Variants in RIMS1 observed in about 807,000 individuals in gnomAD.
The protein encoded by RIMS1 is regulating synaptic membrane exocytosis 1, also known as regulating synaptic membrane exocytosis protein 1.
A neutral mutation model predicts 214.1 loss-of-function variants in RIMS1; 83 were observed. That is an observed-to-expected ratio of 0.39 (90% CI 0.32 to 0.47). RIMS1 has a LOEUF of 0.47. Ranked by LOEUF, RIMS1 falls within the 20% of genes least tolerant of loss-of-function variation. RIMS1 has a pLI of 0.99. For synonymous variants in RIMS1, 793 were observed against 786.8 expected (o/e 1.01, Z -0.13); for missense variants, 2,050 against 2,161.8 (o/e 0.95, Z 1.03).
chr6:72,100,124 C>T (rs537188797), intron 4 of RIMS1, 138 bp downstream of exon 4: 39 of 688,096 alleles, frequency 5.7e-5, no homozygotes, highest in Admixed American at 4.1e-4. Context: ...TTCCAGCTCT[C>T]ATGAAAAAAA....
chr6:72,196,603 T>TTTTTTTTTTTTTTTTTTTA (rs780611745), intron 6 of RIMS1, among the ~76,000 whole-genome samples: 13 of 132,206 alleles, frequency 9.8e-5, no homozygotes, highest in South Asian at 2.5e-4. Context: ...TTTTTTTTTT[T>TTTTTTTTTTTTTTTTTTTA]ACCTATACAG....
intron 6 of RIMS1, among the ~76,000 whole-genome samples, chr6:72,203,094 T>C (rs1212529313): frequency 6.6e-6 from 1 of 152,120 alleles, no homozygotes; most frequent in African/African-American, 2.4e-5. Flanking sequence ...TTCACGCCAT[T>C]CTCCTGCTTC....
chr6:72,265,396 T>C lies in RIMS1; in HGVS notation c.3201T>C (p.Ile1067=). 4 of 1,563,980 alleles carry C rather than the reference T, an allele frequency of 2.6e-6. No individual in the cohort carries two copies. In the South Asian group the frequency reaches 4.8e-5, roughly 19 times the overall value. Residue 1067 remains isoleucine, a synonymous_variant, in exon 21 of 34, where the codon ATT becomes ATC. Transcript: ENST00000521978. ...GTAATTTTAATTTGTGGAGCTCAAT[T>C]CTGCCTGCACATACTAAGACCAAAT... is the stretch of plus-strand genomic sequence containing the variant. ...SSSHWNIYSS[I]LPAHTKTKSV...
intron 1 of RIMS1, among the ~76,000 whole-genome samples, chr6:71,909,187 G>A (rs922087591): frequency 1.3e-5 from 2 of 152,022 alleles, no homozygotes; most frequent in African/African-American, 4.8e-5. Flanking sequence ...AGTAGAGACG[G>A]GGTTTCACCA....
intron 22 of RIMS1, among the ~76,000 whole-genome samples, chr6:72,268,854 A>G (rs979129033): frequency 6.6e-6 from 1 of 152,146 alleles, no homozygotes; most frequent in African/African-American, 2.4e-5. Flanking sequence ...TCTTAAATCA[A>G]TATATTTGAG....
chr6:72,367,906 A>G (rs539676297), intron 29 of RIMS1, among the ~76,000 whole-genome samples: 1 of 152,272 alleles, frequency 6.6e-6, no homozygotes, highest in East Asian at 1.9e-4. Flanking sequence ...ATATTTTTTT[A>G]TATTCTGAGT....
At chr6:71,916,528 AT>A (rs1419580108) in intron 1 of RIMS1, among the ~76,000 whole-genome samples, 5 of 152,110 alleles carry the variant, frequency 3.3e-5, no homozygotes, top group Admixed American at 6.6e-5. Context: ...TATTCTAAGA[AT>A]TCACTCTATC....
intron 4 of RIMS1, among the ~76,000 whole-genome samples, chr6:72,167,284 G>A (rs1171867687): frequency 6.6e-6 from 1 of 151,642 alleles, no homozygotes; most frequent in Non-Finnish European, 1.5e-5. Context: ...TTGTAATAAT[G>A]TTTTTATATG....
In RIMS1 at chr6:72,302,285, C is replaced by A. The variant is rs116724119; in HGVS notation, c.3851-4973C>A. ...TTATCCATATAAACAATTCCTATTT[C>A]TCTAAAGTCTAAAAAACTGTGGGCA... On this transcript the variant is annotated intron_variant, in intron 26 of 33. Coordinates refer to ENST00000521978, the MANE Select transcript of RIMS1 (RefSeq NM_014989.7). Among the ~76,000 whole-genome samples the A allele has an allele frequency of 3.8e-3, 579 of 151,628 alleles. 4 individuals carry two copies. The highest frequency in any genetic ancestry group is 0.014 in the African/African-American group (565 of 41,496).
chr6:71,998,075 C>T lies in RIMS1; in HGVS notation c.245+29012C>T, dbSNP rs1483265024. Among the ~76,000 whole-genome samples the T allele has an allele frequency of 1.8e-4, 27 of 152,130 alleles. 1 individual carries two copies. Among genetic ancestry groups the T allele is most frequent in the Admixed American group, 1.8e-3 (27 of 15,256 alleles). ...TTACTGGCAAAGATTAGAGAAGCTT[C>T]TCTCAGGATGGGATCTGTGGGTCTC... On this transcript the variant is annotated intron_variant, in intron 2 of 33. Transcript: ENST00000521978.
chr6:72,185,741 C>T (rs2049004281), intron 6 of RIMS1, among the ~76,000 whole-genome samples: 2 of 152,036 alleles, frequency 1.3e-5, no homozygotes, highest in Non-Finnish European at 2.9e-5. Context: ...TTTAGAGAAA[C>T]AAAAAAGCAA....
intron 2 of RIMS1, among the ~76,000 whole-genome samples, chr6:72,021,424 A>T (rs929615641): frequency 1.3e-5 from 2 of 152,228 alleles, no homozygotes; most frequent in Non-Finnish European, 2.9e-5. Context: ...TTAAACATTT[A>T]TCAGATCTAT....
At chr6:71,973,836 G>C (rs1037926637) in intron 2 of RIMS1, among the ~76,000 whole-genome samples, 1 of 152,236 alleles carries the variant, frequency 6.6e-6, no homozygotes, top group African/African-American at 2.4e-5. Context: ...AGCTAGTGGA[G>C]AGCAAGAGAG....
chr6:72,102,153 T>C (rs2016474184), intron 4 of RIMS1, among the ~76,000 whole-genome samples: 1 of 152,006 alleles, frequency 6.6e-6, no homozygotes, highest in Non-Finnish European at 1.5e-5. Flanking sequence ...TTTAACACTT[T>C]GCTGCTGCTA....
chr6:71,995,370 A>C lies in RIMS1; in HGVS notation c.245+26307A>C, dbSNP rs532889886. On this transcript the variant is annotated intron_variant, in intron 2 of 33. Transcript: ENST00000521978. ...GAGGATAAGTAAATTGTAAATCACT[A>C]TCCCCTTTTACAGTGATGCAGTATG... Among the ~76,000 whole-genome samples the C allele has an allele frequency of 9.9e-5, 15 of 152,008 alleles. 1 individual carries two copies. The South Asian group carries it at 2.3e-3, about 23-fold the overall frequency.
At position 72,327,503 on chromosome 6, in the gene RIMS1, T is replaced by A. The variant is rs1407928584; in HGVS notation, c.4131-6097T>A. On this transcript the variant is annotated intron_variant, in intron 28 of 33. Transcript: ENST00000521978. ...TAGTTCATATATGTTTGTGTGGATATATATTTTCGATTCTCTTGAGTATAT... is the reference window on the plus strand; with the variant it reads ...TAGTTCATATATGTTTGTGTGGATAAATATTTTCGATTCTCTTGAGTATAT... 1.3e-5 allele frequency among the ~76,000 whole-genome samples: 2 copies of A among 151,924 alleles called. 1 individual carries two copies. The highest frequency in any genetic ancestry group is 4.1e-4 in the South Asian group (2 of 4,830).
intron 29 of RIMS1, among the ~76,000 whole-genome samples, chr6:72,378,281 A>G (rs1438221788): frequency 1.3e-5 from 2 of 152,220 alleles, no homozygotes; most frequent in East Asian, 1.9e-4. Context: ...GGAATTTCAC[A>G]ATACTGCATA....
rs548836432 is a variant in RIMS1, at chr6:72,149,818, G to A, written c.472-29757G>A. On this transcript the variant is annotated intron_variant, in intron 4 of 33. Transcript: ENST00000521978. ...TTGAGCCTTTCTTGGCCCTAGGCCT[G>A]CTGCAGGATGTGTCTCATTCACTCG... 1.2e-4 allele frequency among the ~76,000 whole-genome samples: 18 copies of A among 152,312 alleles called. No individual in the cohort carries two copies. The East Asian group carries it at 3.3e-3, about 28-fold the overall frequency.
intron 4 of RIMS1, among the ~76,000 whole-genome samples, chr6:72,102,939 C>T (rs868270177): frequency 3.9e-5 from 6 of 152,070 alleles, no homozygotes; most frequent in Non-Finnish European, 8.8e-5. Flanking sequence ...AATTTACAAC[C>T]TTCAGTCTTT....
Sources: allele counts gnomAD v4.1 joint callset (sites outside exome capture counted in the v4.1 genomes callset), GRCh38; gene constraint gnomAD v4.1.1; transcripts MANE v1.5; gene names NCBI Gene and HGNC (gene_info 2026-07-23, HGNC 2026-07-21).